Variants in DIS3L2 observed in about 807,000 individuals in gnomAD.
DIS3L2 encodes DIS3 like 3'-5' exoribonuclease 2.
DIS3L2 carries 34 observed loss-of-function variants against 97.5 expected under a neutral mutation model. The observed-to-expected ratio is 0.35, with a 90% CI of 0.27 to 0.46. The LOEUF (loss-of-function observed/expected upper bound fraction) is 0.46, where lower values mean the gene tolerates loss of function less well. Among genes scored for constraint, DIS3L2 ranks in the 20% least tolerant of loss-of-function variants. DIS3L2 has a pLI of 1.00. For synonymous variants in DIS3L2, 435 were observed against 445.2 expected, an observed-to-expected ratio of 0.98 and a Z score of 0.29; for missense variants, 1,038 against 1,146.0, an observed-to-expected ratio of 0.91 and a Z score of 1.36.
At chr2:231,999,477 GAGTTATACTGAT>G (rs1306630301) in intron 1 of DIS3L2, among the ~76,000 whole-genome samples, 1 of 152,120 alleles carries the variant, frequency 6.6e-6, no homozygotes, top group Non-Finnish European at 1.5e-5. Context: ...ATAAACCATT[GAGTTATACTGAT>G]ATCTCCAGTT....
chr2:232,036,222 C>A (rs375495555), intron 5 of DIS3L2, among the ~76,000 whole-genome samples: 1 of 152,170 alleles, frequency 6.6e-6, no homozygotes, highest in Admixed American at 6.5e-5. Context: ...AGTTCCTTTT[C>A]ATTCTTTTTT....
At chr2:232,005,930 G>T (rs1221478323) in intron 1 of DIS3L2, among the ~76,000 whole-genome samples, 2 of 152,230 alleles carry the variant, frequency 1.3e-5, no homozygotes, top group African/African-American at 4.8e-5. Context: ...GCTCATGCCT[G>T]TAATCCCAGC....
At chr2:232,330,114 G>A in intron 15 of DIS3L2, 118 bp downstream of exon 15, 1 of 1,291,258 alleles carries the variant, frequency 7.7e-7, no homozygotes, top group Non-Finnish European at 1.0e-6. Context: ...CTTCAGCCAG[G>A]TCTCTCCTGT....
intron 5 of DIS3L2, among the ~76,000 whole-genome samples, chr2:232,040,340 T>G (rs1695075174): frequency 6.6e-6 from 1 of 152,114 alleles, no homozygotes; most frequent in Non-Finnish European, 1.5e-5. Context: ...TTGGAAGAAG[T>G]AGTGGGCTCC....
intron 5 of DIS3L2, among the ~76,000 whole-genome samples, chr2:232,034,788 T>C (rs193128704): frequency 6.6e-6 from 1 of 152,342 alleles, no homozygotes; most frequent in African/African-American, 2.4e-5. Context: ...TGAGTGAGTT[T>C]ATTAATCCTG....
Position 232,269,706 on chromosome 2 carries a change from G to A in DIS3L2, c.1659+6266G>A, listed in dbSNP as rs577643516. ...CAAGCAGACTGCTGGTACAAGCATG[G>A]GAGGGATGAGAAATGGCAGATTGTT... On this transcript the variant is annotated intron_variant, in intron 13 of 20. Transcript: ENST00000325385. This position sits in a 1 kb window ranked among gnomAD's most constrained non-coding sequence, Gnocchi z 4.5. Among the ~76,000 whole-genome samples the A allele has an allele frequency of 6.6e-6, 1 of 152,032 alleles. No homozygotes were observed. The highest frequency in any genetic ancestry group is 2.4e-5 in the African/African-American group (1 of 41,360).
intron 6 of DIS3L2, among the ~76,000 whole-genome samples, chr2:232,124,197 A>G (rs552871349): frequency 1.3e-5 from 2 of 152,344 alleles, no homozygotes; most frequent in South Asian, 2.1e-4. Context: ...GACAAGAACC[A>G]TAAGAAAACA....
intron 5 of DIS3L2, among the ~76,000 whole-genome samples, chr2:232,045,287 C>T (rs543743053): frequency 2.0e-5 from 3 of 152,100 alleles, no homozygotes; most frequent in Non-Finnish European, 4.4e-5. Flanking sequence ...CAGTGGTGAG[C>T]AGAGGTAAGT....
intron 14 of DIS3L2, among the ~76,000 whole-genome samples, chr2:232,302,643 C>T (rs562240547): frequency 4.1e-4 from 63 of 151,848 alleles, no homozygotes; most frequent in African/African-American, 1.4e-3. Context: ...TCACTGCACC[C>T]TCCGCCTCCT....
At chr2:231,966,088 T>G (rs756560070) in intron 1 of DIS3L2, among the ~76,000 whole-genome samples, 2 of 152,152 alleles carry the variant, frequency 1.3e-5, no homozygotes, top group Non-Finnish European at 2.9e-5. Flanking sequence ...AATGAGTGGA[T>G]AGATCCCTCT....
intron 14 of DIS3L2, 188 bp from the exon 15 acceptor site, chr2:232,329,625 G>T: frequency 1.8e-6 from 1 of 554,326 alleles, no homozygotes; most frequent in South Asian, 3.1e-5. Flanking sequence ...CTGGTGCAGG[G>T]AGACCATGGG....
intron 14 of DIS3L2, among the ~76,000 whole-genome samples, chr2:232,315,160 A>G (rs1422891169): frequency 6.6e-6 from 1 of 152,152 alleles, no homozygotes; most frequent in Non-Finnish European, 1.5e-5. Context: ...TCCCTGTTTG[A>G]TGAACAGGGA....
rs551789913 is a variant in DIS3L2 at position 232,193,004 on chromosome 2, C to T, written c.1125-17322C>T. ...TTACTCAGACTAGCTCCTTTGCTTCCTCCTCCTTAGTGGGATGGCTGCTAT... is the reference window on the plus strand; with the variant it reads ...TTACTCAGACTAGCTCCTTTGCTTCTTCCTCCTTAGTGGGATGGCTGCTAT... On this transcript the variant is annotated intron_variant, in intron 9 of 20. Transcript: ENST00000325385. 4.6e-5 allele frequency among the ~76,000 whole-genome samples: 7 copies of T among 152,284 alleles called. No homozygotes were observed. In the South Asian group the frequency reaches 1.5e-3, roughly 32 times the overall value.
intron 2 of DIS3L2, 109 bp downstream of exon 2, chr2:232,015,088 T>A: frequency 2.9e-6 from 3 of 1,021,704 alleles, no homozygotes; most frequent in South Asian, 1.5e-5. Context: ...CTATAATTCT[T>A]TTAGTGACCT....
chr2:232,157,142 A>G lies in DIS3L2; in HGVS notation c.951-6317A>G, dbSNP rs577418518. 7.7e-4 allele frequency among the ~76,000 whole-genome samples: 118 copies of G among 152,310 alleles called. No individual in the cohort carries two copies. In the South Asian group the frequency reaches 0.025, roughly 32 times the overall value. ...AGCATATTTTCTGCCTTTTAATATC[A>G]GTCAGGGTTCTTGTAGTCTCAGATT... On this transcript the variant is annotated intron_variant, in intron 8 of 20. Transcript: ENST00000325385.
At chr2:232,159,621 C>T (rs1690593148) in intron 8 of DIS3L2, among the ~76,000 whole-genome samples, 1 of 152,142 alleles carries the variant, frequency 6.6e-6, no homozygotes, top group South Asian at 2.1e-4. Context: ...CCTTCTTTTT[C>T]TTACTTTATG....
chr2:232,330,874 C>G, intron 16 of DIS3L2, 98 bp downstream of exon 16: 1 of 1,254,646 alleles, frequency 8.0e-7, no homozygotes, highest in East Asian at 2.3e-5. Context: ...ACCGTTCCTG[C>G]CTGCTCTGGA....
chr2:232,216,430 A>T (rs968812515), intron 10 of DIS3L2, among the ~76,000 whole-genome samples: 1 of 151,868 alleles, frequency 6.6e-6, no homozygotes, highest in African/African-American at 2.4e-5. Context: ...ATGCTCTACA[A>T]CCTTTGCACT....
At chr2:232,197,587 A>G (rs530357540) in intron 9 of DIS3L2, among the ~76,000 whole-genome samples, 7 of 152,264 alleles carry the variant, frequency 4.6e-5, no homozygotes, top group African/African-American at 1.4e-4. Context: ...AACCTAGTCA[A>G]CCACAGAGAA....
Sources: allele counts gnomAD v4.1 joint callset (sites outside exome capture counted in the v4.1 genomes callset), GRCh38; gene constraint gnomAD v4.1.1; non-coding constraint Gnocchi (gnomAD v3.1); transcripts MANE v1.5; gene names NCBI Gene and HGNC (gene_info 2026-07-23, HGNC 2026-07-21).